EPB41L3: variants seen among roughly 807,000 people sequenced by gnomAD.
EPB41L3 encodes the protein erythrocyte membrane protein band 4.1 like 3.
A neutral mutation model predicts 127.1 loss-of-function variants in EPB41L3; 57 were observed. That is an observed-to-expected ratio of 0.45 (90% CI 0.36 to 0.56). The LOEUF is 0.56. Among genes scored for constraint, EPB41L3 ranks in the 20% least tolerant of loss-of-function variants. The pLI, the probability that EPB41L3 is intolerant of heterozygous loss-of-function variation, is 0.00. For missense variants in EPB41L3, 1,273 were observed against 1,372.2 expected (o/e 0.93, Z 1.14); for synonymous variants, 572 against 549.5 (o/e 1.04, Z -0.57).
intron 1 of EPB41L3, among the ~76,000 whole-genome samples, chr18:5,511,720 G>A (rs1397935501): frequency 6.6e-6 from 1 of 151,290 alleles, no homozygotes; most frequent in East Asian, 1.9e-4. Flanking sequence ...CCAGTGCTTA[G>A]TTCCTCAATA....
chr18:5,395,890 TA>T (rs1194767802), intron 19 of EPB41L3, among the ~76,000 whole-genome samples, 183 bp from the exon 20 acceptor site: 1 of 152,120 alleles, frequency 6.6e-6, no homozygotes, highest in Non-Finnish European at 1.5e-5. Context: ...TAACTGTCAT[TA>T]AAAAAACTAA....
chr18:5,554,093 C>A (rs1452416311), intron 3 of EPB41L3, among the ~76,000 whole-genome samples: 1 of 152,230 alleles, frequency 6.6e-6, no homozygotes, highest in Admixed American at 6.5e-5. Flanking sequence ...GAGGCCTGCC[C>A]TGCACACCTT....
chr18:5,556,313 A>G (rs2094034993), intron 3 of EPB41L3, among the ~76,000 whole-genome samples: 1 of 152,236 alleles, frequency 6.6e-6, no homozygotes, highest in Non-Finnish European at 1.5e-5. Context: ...GAAGCTTGCA[A>G]TGGACACTCA....
At chr18:5,421,681 A>G (rs2077487732) in intron 11 of EPB41L3, among the ~76,000 whole-genome samples, 1 of 152,204 alleles carries the variant, frequency 6.6e-6, no homozygotes, top group Non-Finnish European at 1.5e-5. Flanking sequence ...ACTTGGATGG[A>G]GCTGAAGGTC....
intron 6 of EPB41L3, among the ~76,000 whole-genome samples, chr18:5,437,045 A>G (rs775969111): frequency 5.3e-5 from 8 of 152,182 alleles, no homozygotes; most frequent in African/African-American, 7.2e-5. Context: ...CTTACTACGG[A>G]GCTGAGCAAG....
chr18:5,587,095 G>A (rs1785378), intron 3 of EPB41L3, among the ~76,000 whole-genome samples: 60,491 of 151,904 alleles, frequency 0.4, 12,668 homozygotes, highest in Non-Finnish European at 0.47. Context: ...AAATTAACTC[G>A]TATAAGTTAC....
At chr18:5,517,589 G>C (rs185694175) in intron 1 of EPB41L3, among the ~76,000 whole-genome samples, 230 of 152,104 alleles carry the variant, frequency 1.5e-3, no homozygotes, top group Middle Eastern at 3.4e-3. Flanking sequence ...GCATGAACCA[G>C]TGCACCTGGC....
chr18:5,585,950 T>C (rs2094438344), intron 3 of EPB41L3, among the ~76,000 whole-genome samples: 2 of 152,206 alleles, frequency 1.3e-5, no homozygotes, highest in Non-Finnish European at 2.9e-5. Context: ...TTCTACGAAG[T>C]CAGCTCTTAG....
rs572988148 is a variant in EPB41L3 at position 5,568,571 on chromosome 18, CG to C, written c.-306+43768del. 4.1e-4 allele frequency among the ~76,000 whole-genome samples: 62 copies of C among 152,214 alleles called. No individual in the cohort carries two copies. In the East Asian group the frequency reaches 9.6e-3, roughly 24 times the overall value. ...ATTGCTAGGGGCCCCACAGAGTACA[CG>C]CAAGACCTAATTAAATGCAACACGT... On this transcript the variant is annotated intron_variant, in intron 3 of 21. Coordinates refer to the EPB41L3 transcript ENST00000545076.
intron 1 of EPB41L3, among the ~76,000 whole-genome samples, chr18:5,531,844 T>C (rs2093423399): frequency 6.6e-6 from 1 of 152,112 alleles, no homozygotes; most frequent in South Asian, 2.1e-4. Context: ...TCAGCTTCAT[T>C]AGCTTGAGGT....
At chr18:5,562,087 G>A (rs998750170) in intron 3 of EPB41L3, among the ~76,000 whole-genome samples, 1 of 152,162 alleles carries the variant, frequency 6.6e-6, no homozygotes, top group African/African-American at 2.4e-5. Context: ...TTGGGTCCTG[G>A]AACAGAAAAA....
chr18:5,580,727 G>A (rs146008384), intron 3 of EPB41L3, among the ~76,000 whole-genome samples: 10 of 152,222 alleles, frequency 6.6e-5, no homozygotes, highest in African/African-American at 2.4e-4. Flanking sequence ...ATGCTGCCTA[G>A]CTTTTCCGGC....
At chr18:5,580,374 T>C (rs2094381617) in intron 3 of EPB41L3, among the ~76,000 whole-genome samples, 1 of 152,100 alleles carries the variant, frequency 6.6e-6, no homozygotes, top group Admixed American at 6.6e-5. Context: ...CACACAGGTA[T>C]AGACACATAC....
chr18:5,571,021 C>G (rs909671467), intron 3 of EPB41L3: 6 of 152,192 alleles, frequency 3.9e-5, no homozygotes, highest in African/African-American at 1.4e-4. Context: ...AAGTCCACTA[C>G]ACATGGAGAA....
intron 1 of EPB41L3, among the ~76,000 whole-genome samples, chr18:5,494,158 T>A (rs889688188): frequency 6.6e-6 from 1 of 151,994 alleles, no homozygotes; most frequent in Non-Finnish European, 1.5e-5. Context: ...AACCGAACAT[T>A]TTTCCATCCA....
intron 3 of EPB41L3, among the ~76,000 whole-genome samples, chr18:5,589,753 T>C (rs16948470): frequency 0.3 from 45,283 of 152,148 alleles, 6,869 homozygotes; most frequent in East Asian, 0.41. Flanking sequence ...GCACACTTTT[T>C]TGGGGTCTGC....
rs79525114 is a variant in EPB41L3, at chr18:5,568,397, T to C, written c.-306+43943A>G. On this transcript the variant is annotated intron_variant, in intron 3 of 21. Transcript: ENST00000545076. ...CCCCAAGAGCTTCCCTTCTCTCTTC[T>C]CTATGGTTTCTACCAATTCCTCTGG... Among the ~76,000 whole-genome samples, 1,306 of 146,420 alleles carry C rather than the reference T, an allele frequency of 8.9e-3. 7 individuals carry two copies. Among genetic ancestry groups the C allele is most frequent in the Non-Finnish European group, 0.014 (929 of 67,292 alleles).
At chr18:5,459,662 AC>A (rs2083648582) in intron 3 of EPB41L3, among the ~76,000 whole-genome samples, 1 of 152,210 alleles carries the variant, frequency 6.6e-6, no homozygotes, top group Non-Finnish European at 1.5e-5. Context: ...CAATCCTCTT[AC>A]GGAAATAAAT....
At chr18:5,626,031 T>C (rs1345941488) in intron 1 of EPB41L3, among the ~76,000 whole-genome samples, 1 of 151,998 alleles carries the variant, frequency 6.6e-6, no homozygotes, top group African/African-American at 2.4e-5. Context: ...TCAGCCCCAA[T>C]TATATTCAGT....
Sources: allele counts gnomAD v4.1 joint callset (sites outside exome capture counted in the v4.1 genomes callset), GRCh38; gene constraint gnomAD v4.1.1; transcripts MANE v1.5; gene names NCBI Gene and HGNC (gene_info 2026-07-23, HGNC 2026-07-21).